PRR14L: variants seen among roughly 807,000 people sequenced by gnomAD.
PRR14L encodes proline rich 14 like, also known as protein PRR14L.
In PRR14L, 80 loss-of-function variants were observed where a neutral mutation model predicts 155.0. The ratio of observed to expected loss-of-function variants is 0.52; its 90% CI spans 0.43 to 0.62. The LOEUF (loss-of-function observed/expected upper bound fraction) is 0.62. PRR14L is among the 20% of genes least tolerant of loss of function. The pLI, the probability that PRR14L is intolerant of heterozygous loss-of-function variation, is 0.00. For synonymous variants in PRR14L, 883 were observed against 916.0 expected (o/e 0.96, Z 0.65); for missense variants, 2,469 against 2,548.0 (o/e 0.97, Z 0.67).
chr22:31,714,152 A>G lies in PRR14L; in HGVS notation c.3687T>C (p.Ser1229=), dbSNP rs1006257960. Reference sequence around the variant, plus strand: ...TGGATTTCAGGCTTCTTAGGGAAACAGAGCTTTCATCATGGCAAGACATCG... The same window carrying G: ...TGGATTTCAGGCTTCTTAGGGAAACGGAGCTTTCATCATGGCAAGACATCG... ...KESMSCHDES[S]VSLRSLKSIE... is the part of the protein sequence containing the mutation. The change falls in exon 4 of 9, where the codon TCT becomes TCC. Residue 1229 remains serine, a synonymous_variant. Transcript: ENST00000327423. 1.3e-6 allele frequency: 2 copies of G among 1,551,676 alleles called. No individual in the cohort carries two copies. The highest frequency in any genetic ancestry group is 2.7e-5 in the African/African-American group (2 of 73,168).
chr22:31,732,568 G>A (rs1420440812), intron 2 of PRR14L, among the ~76,000 whole-genome samples: 2 of 152,222 alleles, frequency 1.3e-5, no homozygotes, highest in African/African-American at 4.8e-5. Flanking sequence ...TGTTCCTGAA[G>A]GAGGTTAAGT....
intron 2 of PRR14L, among the ~76,000 whole-genome samples, chr22:31,736,948 G>A (rs959931323): frequency 2.0e-5 from 3 of 147,738 alleles, no homozygotes; most frequent in East Asian, 2.0e-4. Context: ...TGAGGCAGGC[G>A]AATTGCTCGA....
chr22:31,725,412 T>C lies in PRR14L; in HGVS notation c.547+126A>G. The C allele has an allele frequency of 7.6e-6, 5 of 661,328 alleles. No individual in the cohort carries two copies. In the South Asian group the frequency reaches 9.2e-5, roughly 12 times the overall value. The allele number at this position is 661,328 out of a possible 1,614,324, so 41.0% of individuals were successfully genotyped here. On this transcript the variant is annotated intron_variant, in intron 3 of 8. Transcript: ENST00000327423. ...CGATCTACAGTGAAGTTACAGTTTC[T>C]ATAGTTAAGTACACCTTACAAGGCA...
Position 31,738,816 on chromosome 22 carries a change from G to A in PRR14L, c.45C>T (p.Ser15=), listed in dbSNP as rs1456039580. The change falls in exon 2 of 9, where the codon TCC becomes TCT. Residue 15 remains serine, a synonymous_variant. Coordinates refer to ENST00000327423, the MANE Select transcript of PRR14L (RefSeq NM_173566.3). The part of the protein sequence containing the change: ...GVETQPVPLD[S]SMSAVVQELY... ...ATTCCTGTACCACGGCAGACATGGA[G>A]GAATCAAGTGGAACTGGCTGAGTCT... is the stretch of plus-strand genomic sequence containing the variant. 8.4e-6 allele frequency: 13 copies of A among 1,547,856 alleles called. No individual in the cohort carries two copies. The South Asian group carries it at 9.5e-5, about 11-fold the overall frequency.
At chr22:31,719,815 C>T (rs544355635) in intron 3 of PRR14L, among the ~76,000 whole-genome samples, 22 of 151,932 alleles carry the variant, frequency 1.4e-4, no homozygotes, top group African/African-American at 5.3e-4. Flanking sequence ...TGGCTCACTG[C>T]AGCCTCCAAC....
At chr22:31,740,743 G>A (rs867496550) in intron 1 of PRR14L, among the ~76,000 whole-genome samples, 47 of 152,148 alleles carry the variant, frequency 3.1e-4, no homozygotes, top group African/African-American at 1.0e-3. Context: ...AAAGGTAAAA[G>A]AGCGTAACGT....
intron 7 of PRR14L, among the ~76,000 whole-genome samples, chr22:31,695,575 T>A (rs1050422980): frequency 6.6e-6 from 1 of 152,176 alleles, no homozygotes; most frequent in Non-Finnish European, 1.5e-5. Context: ...AGTGGTAACC[T>A]GACTTCCTGA....
In PRR14L at chr22:31,685,538, A is replaced by G; in HGVS notation, c.6445T>C (p.Ser2149Pro). 1 of 1,549,824 alleles carries G rather than the reference A, an allele frequency of 6.5e-7. No homozygotes were observed. Among genetic ancestry groups the G allele is most frequent in the Non-Finnish European group, 8.7e-7 (1 of 1,145,312 alleles). The change falls in exon 9 of 9, where the codon TCA becomes CCA. Residue 2149 changes from serine to proline, a missense_variant. By Grantham distance (74) the Ser-to-Pro change is moderately conservative. Transcript: ENST00000327423. ...AACTGAATCGCTTCTCAACAGCCTG[A>G]TGATTGTTCCTGCTCCTCTTCCTTG... ...FAKEEEQEQS[S>P]GC
At position 31,715,681 on chromosome 22, in the gene PRR14L, C is replaced by T. The variant is rs2074654025; in HGVS notation, c.2158G>A (p.Gly720Ser). 1 of 1,552,126 alleles carries T rather than the reference C, an allele frequency of 6.4e-7. No homozygotes were observed. The highest frequency in any genetic ancestry group is 1.4e-5 in the African/African-American group (1 of 73,050). Residue 720 changes from glycine (G) to serine (S), a missense_variant, in exon 4 of 9, where the codon GGT becomes AGT. By Grantham distance (56) the Gly-to-Ser change is moderately conservative. Coordinates refer to ENST00000327423, the MANE Select transcript of PRR14L (RefSeq NM_173566.3). ...GAAGAGGCACCACAGGTTTGGTTACCTGGTGGAGAGATGTCTTTTATTTTT... is the reference window on the plus strand; with the variant it reads ...GAAGAGGCACCACAGGTTTGGTTACTTGGTGGAGAGATGTCTTTTATTTTT... The part of the protein sequence containing the change: ...QTKIKDISPP[G>S]NQTCGASSNC...
chr22:31,703,938 C>T (rs2074576506), intron 5 of PRR14L, among the ~76,000 whole-genome samples: 1 of 152,014 alleles, frequency 6.6e-6, no homozygotes, highest in Admixed American at 6.6e-5. Context: ...GCTGAAATTA[C>T]AGGCATGCGC....
intron 2 of PRR14L, among the ~76,000 whole-genome samples, chr22:31,726,955 C>T (rs1032059574): frequency 2.0e-5 from 3 of 152,196 alleles, no homozygotes; most frequent in Non-Finnish European, 2.9e-5. Flanking sequence ...GATTCTGGCA[C>T]GTTTCTGGAA....
At chr22:31,710,852 C>G (rs2074617070) in intron 4 of PRR14L, among the ~76,000 whole-genome samples, 2 of 152,114 alleles carry the variant, frequency 1.3e-5, no homozygotes, top group Admixed American at 1.3e-4. Context: ...GAAATTATTT[C>G]CAACTATTCT....
chr22:31,725,778 C>T (rs1245579481), intron 2 of PRR14L, among the ~76,000 whole-genome samples, 168 bp from the exon 3 acceptor site: 1 of 152,118 alleles, frequency 6.6e-6, no homozygotes, highest in African/African-American at 2.4e-5. Flanking sequence ...AAGGTATTCT[C>T]CTGTCTCAGC....
In PRR14L at chr22:31,705,788, C is replaced by T. The variant is rs528084372; in HGVS notation, c.5757-1062G>A. ...GCTGAGGTGGGCAGATCACTTGAGG[C>T]CAGGAGTTCGAGACCAGCCTGGTCA... On this transcript the variant is annotated intron_variant, in intron 4 of 8. Coordinates refer to ENST00000327423, the MANE Select transcript of PRR14L (RefSeq NM_173566.3). Among the ~76,000 whole-genome samples, 60 of 149,928 alleles carry T rather than the reference C, an allele frequency of 4.0e-4. 2 individuals carry two copies. In the South Asian group the frequency reaches 0.01, roughly 25 times the overall value.
chr22:31,715,560 G>T lies in PRR14L; in HGVS notation c.2279C>A (p.Ser760Ter). The change falls in exon 4 of 9, where the codon TCA (serine) becomes TAA (stop). Residue 760 changes from serine (S) to a stop codon, truncating the protein, a stop_gained. Coordinates refer to ENST00000327423, the MANE Select transcript of PRR14L (RefSeq NM_173566.3). LOFTEE classifies it high-confidence loss of function. The part of the protein sequence containing the change: ...GTKALHSRLR[S>*]NKREAAGFPQ... ...AAAGCCAGCTGCTTCTCTCTTATTT[G>T]AGCGCAGCCTGGAATGTAGAGCTTT... 1 of 1,552,066 alleles carries T rather than the reference G, an allele frequency of 6.4e-7. No homozygotes were observed. The highest frequency in any genetic ancestry group is 1.2e-5 in the South Asian group (1 of 84,058).
At position 31,698,213 on chromosome 22, in the gene PRR14L, C is replaced by T. The variant is rs185620023; in HGVS notation, c.6107+3443G>A. ...CTAATTTTTGTATTTTTAGTAGAGA[C>T]AGGTTTTCACTATGTTGGCCAGGCT... is the stretch of plus-strand genomic sequence containing the variant. On this transcript the variant is annotated intron_variant, in intron 7 of 8. Coordinates refer to ENST00000327423, the MANE Select transcript of PRR14L (RefSeq NM_173566.3). Among the ~76,000 whole-genome samples, 5 of 152,072 alleles carry T rather than the reference C, an allele frequency of 3.3e-5. No individual in the cohort carries two copies. In the East Asian group the frequency reaches 5.8e-4, roughly 18 times the overall value.
At chr22:31,697,859 G>A (rs2074542953) in intron 7 of PRR14L, among the ~76,000 whole-genome samples, 1 of 151,614 alleles carries the variant, frequency 6.6e-6, no homozygotes, top group Non-Finnish European at 1.5e-5. Context: ...GCGAGACCTT[G>A]TCACAAAACA....
In PRR14L at chr22:31,717,087, G is replaced by A. The variant is rs1242999851; in HGVS notation, c.752C>T (p.Thr251Ile). ...DEVSETSTLV[T>I]PEPLTFVDPV... ...GTCCACAAAGGTTAAAGGTTCTGGG[G>A]TAACTAATGTGCTGGTTTCTGAAAC... Residue 251 changes from threonine (T) to isoleucine (I), a missense_variant, in exon 4 of 9, where the codon ACC (threonine) becomes ATC (isoleucine). By Grantham distance (89) the Thr-to-Ile change is moderately conservative. Transcript: ENST00000327423. 3 of 1,552,018 alleles carry A rather than the reference G, an allele frequency of 1.9e-6. No individual in the cohort carries two copies. The highest frequency in any genetic ancestry group is 2.6e-6 in the Non-Finnish European group (3 of 1,146,992).
intron 8 of PRR14L, 46 bp from the exon 9 acceptor site, chr22:31,685,849 G>A: frequency 6.6e-7 from 1 of 1,523,194 alleles, no homozygotes. Flanking sequence ...GACTCACATG[G>A]CCCATCCTGT....
Sources: allele counts gnomAD v4.1 joint callset (sites outside exome capture counted in the v4.1 genomes callset), GRCh38; gene constraint gnomAD v4.1.1; transcripts MANE v1.5; gene names NCBI Gene and HGNC (gene_info 2026-07-23, HGNC 2026-07-21).